Variants in SLC6A5 observed in about 807,000 individuals in gnomAD.
The protein encoded by SLC6A5 is sodium- and chloride-dependent glycine transporter 2.
A neutral mutation model predicts 90.5 loss-of-function variants in SLC6A5; 58 were observed. The ratio of observed to expected loss-of-function variants is 0.64; its 90% CI spans 0.52 to 0.80. The LOEUF (loss-of-function observed/expected upper bound fraction) is 0.80, where lower values mean the gene tolerates loss of function less well. SLC6A5 is among the 30% of genes least tolerant of loss of function. SLC6A5 has a pLI of 0.00. For synonymous variants in SLC6A5, 427 were observed against 401.4 expected (o/e 1.06, Z -0.76); for missense variants, 1,015 against 1,017.6 (o/e 1.00, Z 0.03).
chr11:20,617,658 C>T, intron 6 of SLC6A5, 94 bp from the exon 7 acceptor site: 1 of 1,113,840 alleles, frequency 9.0e-7, no homozygotes, highest in Non-Finnish European at 1.4e-6. Flanking sequence ...TTGTGCAAGC[C>T]TCCTGGCTCT....
chr11:20,648,526 GCTTT>G (rs1394380469), intron 14 of SLC6A5, among the ~76,000 whole-genome samples: 1 of 152,084 alleles, frequency 6.6e-6, no homozygotes, highest in Non-Finnish European at 1.5e-5. Flanking sequence ...AAAAGGGTAG[GCTTT>G]CTATCTCTTG....
rs535563771 is a variant in SLC6A5 at position 20,620,831 on chromosome 11, G to A, written c.1260+2947G>A. Among the ~76,000 whole-genome samples the A allele has an allele frequency of 4.0e-5, 6 of 151,804 alleles. No homozygotes were observed. In the South Asian group the frequency reaches 6.3e-4, roughly 16 times the overall value. Reference sequence around the variant, plus strand: ...TATTTTTTTATTGAGATGGAGTCTCGCTTTGTCACCCAGGCTGGAGTGCAG... The same window carrying A: ...TATTTTTTTATTGAGATGGAGTCTCACTTTGTCACCCAGGCTGGAGTGCAG... On this transcript the variant is annotated intron_variant, in intron 7 of 15. Transcript: ENST00000525748.
intron 13 of SLC6A5, among the ~76,000 whole-genome samples, chr11:20,643,337 C>A (rs1853350313): frequency 6.6e-6 from 1 of 151,858 alleles, no homozygotes; most frequent in African/African-American, 2.4e-5. Flanking sequence ...CTCACTTATG[C>A]TCAGAAGGCC....
intron 9 of SLC6A5, among the ~76,000 whole-genome samples, chr11:20,628,719 C>G (rs186189070): frequency 6.6e-6 from 1 of 152,124 alleles, no homozygotes; most frequent in Non-Finnish European, 1.5e-5. Context: ...TAACCATTGA[C>G]CCAAATCAGT....
intron 4 of SLC6A5, 148 bp from the exon 5 acceptor site, chr11:20,607,331 T>C (rs748617696): frequency 1.7e-6 from 2 of 1,169,128 alleles, no homozygotes; most frequent in Non-Finnish European, 2.5e-6. Flanking sequence ...AATGCCTTCA[T>C]ATCCCTGGTA....
intron 10 of SLC6A5, among the ~76,000 whole-genome samples, chr11:20,633,965 G>C (rs569226841): frequency 6.6e-6 from 1 of 152,036 alleles, no homozygotes; most frequent in Non-Finnish European, 1.5e-5. Flanking sequence ...TCTGCCTCCC[G>C]GGTTCACACC....
At chr11:20,628,306 T>C (rs1295393205) in intron 9 of SLC6A5, among the ~76,000 whole-genome samples, 1 of 152,164 alleles carries the variant, frequency 6.6e-6, no homozygotes, top group Non-Finnish European at 1.5e-5. Context: ...GGAGGCTCAG[T>C]GGCTATTTAC....
intron 9 of SLC6A5, among the ~76,000 whole-genome samples, chr11:20,629,888 T>TG (rs1344670730): frequency 6.6e-6 from 1 of 151,990 alleles, no homozygotes; most frequent in Admixed American, 6.6e-5. Flanking sequence ...AATTTTTTTT[T>TG]TTGTGTGTGT....
intron 6 of SLC6A5, among the ~76,000 whole-genome samples, chr11:20,617,084 A>G (rs988272501): frequency 1.3e-5 from 2 of 152,254 alleles, no homozygotes; most frequent in African/African-American, 4.8e-5. Context: ...TTGGCCAGGC[A>G]GGCCACGATG....
chr11:20,642,255 C>T (rs1853329116), intron 13 of SLC6A5, among the ~76,000 whole-genome samples: 1 of 151,042 alleles, frequency 6.6e-6, no homozygotes. Context: ...GGGAGAGCAG[C>T]CCCCATGAAC....
intron 14 of SLC6A5, among the ~76,000 whole-genome samples, chr11:20,650,655 C>CTT (rs55849528): frequency 5.0e-5 from 4 of 79,842 alleles, no homozygotes; most frequent in Non-Finnish European, 6.7e-5. Context: ...GACGCCTGTT[C>CTT]TTTTTTTTTT....
intron 14 of SLC6A5, among the ~76,000 whole-genome samples, chr11:20,647,907 G>A (rs985294954): frequency 1.3e-5 from 2 of 152,164 alleles, no homozygotes; most frequent in African/African-American, 4.8e-5. Flanking sequence ...ATCTTCAAGT[G>A]GGATGATGAC....
chr11:20,609,273 T>C (rs1852649436), intron 5 of SLC6A5, among the ~76,000 whole-genome samples: 1 of 148,674 alleles, frequency 6.7e-6, no homozygotes, highest in African/African-American at 2.5e-5. Flanking sequence ...ACCCAGTGTT[T>C]TAATTTTTAA....
rs1249267582 is a variant in SLC6A5, at chr11:20,657,983, G to GA, written c.*3116dup. 3 of 152,124 alleles carry GA rather than the reference G, an allele frequency of 2.0e-5. No individual in the cohort carries two copies. Among genetic ancestry groups the GA allele is most frequent in the Non-Finnish European group, 4.4e-5 (3 of 68,034 alleles). 9.4% of individuals were successfully genotyped at this position (152,124 alleles called of 1,614,324 possible). On this transcript the variant is annotated 3_prime_UTR_variant, in exon 16 of 16. Coordinates refer to ENST00000525748, the MANE Select transcript of SLC6A5 (RefSeq NM_004211.5). Reference sequence around the variant, plus strand: ...TCTGTGGTCAATGCAAAATCATGATGACCTCAATGTCTTTGAAATTTGCAA... The same window carrying GA: ...TCTGTGGTCAATGCAAAATCATGATGAACCTCAATGTCTTTGAAATTTGCAA...
At chr11:20,608,692 TA>T (rs1439849449) in intron 5 of SLC6A5, among the ~76,000 whole-genome samples, 1 of 152,212 alleles carries the variant, frequency 6.6e-6, no homozygotes, top group African/African-American at 2.4e-5. Flanking sequence ...TCTCCTCAGC[TA>T]GGTCTGTGCT....
At chr11:20,620,225 A>T (rs140310202) in intron 7 of SLC6A5, among the ~76,000 whole-genome samples, 142 of 152,256 alleles carry the variant, frequency 9.3e-4, no homozygotes, top group African/African-American at 3.2e-3. Flanking sequence ...GAGAGGTGAT[A>T]GGTGAGGAGG....
Position 20,630,602 on chromosome 11 carries a change from CAT to C in SLC6A5, c.1500-88_1500-87del, listed in dbSNP as rs111750026. The C allele has an allele frequency of 0.19, 273,259 of 1,467,772 alleles. 27,607 individuals are homozygous for C. Among genetic ancestry groups the C allele is most frequent in the Non-Finnish European group, 0.21 (220,943 of 1,047,854 alleles). The allele number at this position is 1,467,772 out of a possible 1,614,324, so 90.9% of individuals were successfully genotyped here. On this transcript the variant is annotated intron_variant, in intron 9 of 15. Coordinates refer to ENST00000525748, the MANE Select transcript of SLC6A5 (RefSeq NM_004211.5). ...ATATGCCTACACATGTGCAGACAAACATGTGGGCACACATTTGTGTGTCCTTC... is the reference window on the plus strand; with the variant it reads ...ATATGCCTACACATGTGCAGACAAACGTGGGCACACATTTGTGTGTCCTTC...
In SLC6A5 at chr11:20,659,184, GTATTA is replaced by G. The variant is rs1853672127; in HGVS notation, c.*4320_*4324del. The G allele has an allele frequency of 6.6e-6, 1 of 151,124 alleles. No homozygotes were observed. The highest frequency in any genetic ancestry group is 6.6e-5 in the Admixed American group (1 of 15,164). The allele number at this position is 151,124 out of a possible 1,614,324, so 9.4% of individuals were successfully genotyped here. On this transcript the variant is annotated 3_prime_UTR_variant, in exon 16 of 16. Transcript: ENST00000525748. ...TTTATGTATAAAAATGCAATTTATTGTATTATATATTTGCCTATTATGTACTGATA... is the reference window on the plus strand; with the variant it reads ...TTTATGTATAAAAATGCAATTTATTGTATATTTGCCTATTATGTACTGATA...
chr11:20,637,250 A>G lies in SLC6A5; in HGVS notation c.1816A>G (p.Thr606Ala). 6.2e-7 allele frequency: 1 copy of G among 1,612,982 alleles called. No individual in the cohort carries two copies. Among genetic ancestry groups the G allele is most frequent in the Non-Finnish European group, 8.5e-7 (1 of 1,179,770 alleles). The change falls in exon 12 of 16, where the codon ACT (threonine) becomes GCT (alanine). Residue 606 changes from threonine to alanine, a missense_variant. Physicochemically the swap from Thr to Ala is moderately conservative, Grantham distance 58. Transcript: ENST00000525748. The stretch of plus-strand genomic sequence containing the variant: ...CCTACGCACACACAAGCCAGTGTTT[A>G]CTCTGGGCTGCTGCATTTGTTTCTT... ...KYLRTHKPVFTLGCCICFFIM... is the reference protein window; with the variant it reads ...KYLRTHKPVFALGCCICFFIM...
Sources: allele counts gnomAD v4.1 joint callset (sites outside exome capture counted in the v4.1 genomes callset), GRCh38; gene constraint gnomAD v4.1.1; transcripts MANE v1.5; gene names NCBI Gene and HGNC (gene_info 2026-07-23, HGNC 2026-07-21).